WNK4: variants seen among roughly 807,000 people sequenced by gnomAD.
WNK4 encodes the protein WNK lysine deficient protein kinase 4, also known as serine/threonine-protein kinase WNK4.
Under a neutral mutation model 116.2 loss-of-function variants are expected in WNK4, and 94 were observed. The ratio of observed to expected loss-of-function variants is 0.81; its 90% confidence interval spans 0.68 to 0.96. WNK4 has a LOEUF of 0.96. WNK4 is among the 40% of genes least tolerant of loss of function. The pLI, the probability that WNK4 is intolerant of heterozygous loss-of-function variation, is 0.00. For synonymous variants in WNK4, 655 were observed against 672.7 expected (o/e 0.97, Z 0.41); for missense variants, 1,542 against 1,650.6 (o/e 0.93, Z 1.14).
In WNK4 at chr17:42,783,006, C is replaced by T. The variant is rs537730588; in HGVS notation, c.791+76C>T. On this transcript the variant is annotated intron_variant, in intron 2 of 18. Transcript: ENST00000246914. ...CACTGCTTCCTGAACTCCCAGGCTC[C>T]TCAAACTCTCTAATATCCAGGTGTA... 287 of 1,551,610 alleles carry T rather than the reference C, an allele frequency of 1.8e-4. 2 individuals carry two copies. The South Asian group carries it at 3.2e-3, about 17-fold the overall frequency.
rs1286373235 is a variant in WNK4 at position 42,795,401 on chromosome 17, G to C, written c.2961+19G>C. 21 of 1,614,004 alleles carry C rather than the reference G, an allele frequency of 1.3e-5. No individual in the cohort carries two copies. Among genetic ancestry groups the C allele is most frequent in the Non-Finnish European group, 1.8e-5 (21 of 1,180,020 alleles). ...GAGTGAGGTGAGTAGAAAACCAAGA[G>C]GGATGATTAGGGAGACTCCACTCTG... is the stretch of plus-strand genomic sequence containing the variant. On this transcript the variant is annotated intron_variant, in intron 14 of 18. Coordinates refer to ENST00000246914, the MANE Select transcript of WNK4 (RefSeq NM_032387.5).
chr17:42,787,464 C>T lies in WNK4; in HGVS notation c.1663C>T (p.Pro555Ser). 1 of 1,418,610 alleles carries T rather than the reference C, an allele frequency of 7.0e-7. No individual in the cohort carries two copies. Among genetic ancestry groups the T allele is most frequent in the Non-Finnish European group, 9.5e-7 (1 of 1,054,420 alleles). 87.9% of individuals were successfully genotyped at this position (1,418,610 alleles called of 1,614,324 possible). The change falls in exon 7 of 19, where the codon CCC (proline) becomes TCC (serine). Residue 555 changes from proline to serine, a missense_variant. Pro to Ser is a moderately conservative substitution (Grantham distance 74). This residue lies in a region of WNK4 where 808 missense variants were observed against 873.6 expected (regional missense o/e 0.92). Coordinates refer to ENST00000246914, the MANE Select transcript of WNK4 (RefSeq NM_032387.5). ...GGCCCCCGGTCCCCCCAGTGTCTTC[C>T]CCCCTGAGCCTGAGGAGCCAGAGGC... ...PMAPGPPSVF[P>S]PEPEEPEADQ... is the part of the protein sequence containing the mutation.
At chr17:42,794,578 C>T (rs1167978248) in intron 12 of WNK4, 36 bp from the exon 13 acceptor site, 2 of 1,612,662 alleles carry the variant, frequency 1.2e-6, no homozygotes, top group Non-Finnish European at 1.7e-6. Flanking sequence ...GACTGCTCTT[C>T]CCCACTGTGA....
rs1255296358 is a variant in WNK4 at position 42,780,717 on chromosome 17, A to T, written c.19A>T (p.Thr7Ser). The T allele has an allele frequency of 6.2e-7, 1 of 1,608,686 alleles. No homozygotes were observed. Among genetic ancestry groups the T allele is most frequent in the South Asian group, 1.1e-5 (1 of 91,026 alleles). Residue 7 changes from threonine to serine, a missense_variant, in exon 1 of 19, where the codon ACG (threonine) becomes TCG (serine). By Grantham distance (58) the Thr-to-Ser change is moderately conservative. Transcript: ENST00000246914. MLASPATETTVLMSQTE... is the reference protein window; with the variant it reads MLASPASETTVLMSQTE... ...CTTCCTCATGTTGGCATCCCCGGCCACGGAGACCACCGTCCTCATGTCCCA... is the reference window on the plus strand; with the variant it reads ...CTTCCTCATGTTGGCATCCCCGGCCTCGGAGACCACCGTCCTCATGTCCCA...
In WNK4 at chr17:42,782,583, G is replaced by A. The variant is rs756088020; in HGVS notation, c.619-175G>A. 2.6e-5 allele frequency among the ~76,000 whole-genome samples: 4 copies of A among 152,352 alleles called. No homozygotes were observed. Among genetic ancestry groups the A allele is most frequent in the East Asian group, 1.9e-4 (1 of 5,174 alleles). ...TGGGTGTGTCCTTGGATCAGCTTAC[G>A]TGCGGGACTGTTGGAGAGTTCAGGG... On this transcript the variant is annotated intron_variant, in intron 1 of 18. Transcript: ENST00000246914. This position sits in a 1 kb window ranked among gnomAD's most constrained non-coding sequence, Gnocchi z 4.2.
At position 42,785,324 on chromosome 17, in the gene WNK4, G is replaced by A. The variant is rs1159999680; in HGVS notation, c.1318G>A (p.Val440Met). The change falls in exon 6 of 19, where the codon GTG becomes ATG. Residue 440 changes from valine (V) to methionine (M), a missense_variant. Around this residue, in one of 7 missense-constraint regions of WNK4, gnomAD observed 808 missense variants for 873.6 expected, o/e 0.92. Transcript: ENST00000246914. ...CTTCCGCGAGGAGCGCGGTGTGCAC[G>A]TGGAACTAGCGGAGGAGGACGACGG... ...AFFREERGVH[V>M]ELAEEDDGEK... 13 of 1,612,158 alleles carry A rather than the reference G, an allele frequency of 8.1e-6. No homozygotes were observed. Among genetic ancestry groups the A allele is most frequent in the South Asian group, 1.1e-5 (1 of 90,750 alleles).
rs61755609 is a variant in WNK4, at chr17:42,790,697, G to C, written c.2157+1900G>C. ...TGTTAGTCAAAACTGAGTGAGGAGA[G>C]AGTTTCAAGGAGGTGGCATAGGATG... is the stretch of plus-strand genomic sequence containing the variant. On this transcript the variant is annotated intron_variant, in intron 11 of 18. Transcript: ENST00000246914. Among the ~76,000 whole-genome samples, 634 of 152,216 alleles carry C rather than the reference G, an allele frequency of 4.2e-3. 4 individuals are homozygous for C. Among genetic ancestry groups the C allele is most frequent in the African/African-American group, 0.015 (611 of 41,506 alleles).
chr17:42,782,985 G>A lies in WNK4; in HGVS notation c.791+55G>A. 1 of 1,594,192 alleles carries A rather than the reference G, an allele frequency of 6.3e-7. No homozygotes were observed. The highest frequency in any genetic ancestry group is 8.6e-7 in the Non-Finnish European group (1 of 1,169,214). On this transcript the variant is annotated intron_variant, in intron 2 of 18. Coordinates refer to ENST00000246914, the MANE Select transcript of WNK4 (RefSeq NM_032387.5). This position sits in a 1 kb window ranked among gnomAD's most constrained non-coding sequence, Gnocchi z 4.2. The stretch of plus-strand genomic sequence containing the variant: ...AGGGAGGCTGGGATGTGTGCCCACT[G>A]CTTCCTGAACTCCCAGGCTCCTCAA...
In WNK4 at chr17:42,796,558, G is replaced by T. The variant is rs540144740; in HGVS notation, c.3709G>T (p.Ala1237Ser). 80 of 1,614,188 alleles carry T rather than the reference G, an allele frequency of 5.0e-5. No homozygotes were observed. In the South Asian group the frequency reaches 7.2e-4, roughly 15 times the overall value. Residue 1237 changes from alanine (A) to serine (S), a missense_variant, in exon 18 of 19, where the codon GCC (alanine) becomes TCC (serine). By Grantham distance (99) the Ala-to-Ser change is moderately conservative. Coordinates refer to ENST00000246914, the MANE Select transcript of WNK4 (RefSeq NM_032387.5). ...GCGGGCAAGCAAGGGGGTGACATTC[G>T]CCGGGGATGTTGGCAGGATGGTGAG... is the stretch of plus-strand genomic sequence containing the variant. ...EQRASKGVTF[A>S]GDVGRM
chr17:42,794,564 C>T (rs1211479346), intron 12 of WNK4, 50 bp from the exon 13 acceptor site: 2 of 1,606,534 alleles, frequency 1.2e-6, no homozygotes, highest in Admixed American at 3.3e-5. Context: ...CACCTTCCAT[C>T]TCAGACTGCT....
Position 42,785,158 on chromosome 17 carries a change from G to A in WNK4, c.1232G>A (p.Gly411Asp), listed in dbSNP as rs544723011. 3.1e-6 allele frequency: 5 copies of A among 1,613,992 alleles called. No homozygotes were observed. The highest frequency in any genetic ancestry group is 1.7e-5 in the Admixed American group (1 of 59,974). Residue 411 changes from glycine to aspartate, a missense_variant, in exon 5 of 19, where the codon GGC (glycine) becomes GAC (aspartate). By Grantham distance (94) the Gly-to-Asp change is moderately conservative. Transcript: ENST00000246914. Reference protein sequence around the residue: ...KIPEVKEIIEGCIRTDKNERF... With the variant: ...KIPEVKEIIEDCIRTDKNERF... Reference sequence around the variant, plus strand: ...CCCGAGGTGAAGGAGATCATTGAAGGCTGCATCCGCACGGATAAGAACGAG... The same window carrying A: ...CCCGAGGTGAAGGAGATCATTGAAGACTGCATCCGCACGGATAAGAACGAG...
rs1359627856 is a variant in WNK4, at chr17:42,796,492, A to G, written c.3643A>G (p.Arg1215Gly). ...CATCCTGCTCCCAGGCATCATGCGA[A>G]GGAACTCTCTGAGTGGCAGCAGCAC... The part of the protein sequence containing the change: ...SEPPGPGIMR[R>G]NSLSGSSTGS... Residue 1215 changes from arginine to glycine, a missense_variant, in exon 18 of 19, where the codon AGG becomes GGG. Arg to Gly is a moderately radical substitution (Grantham distance 125). Around this residue, in one of 7 missense-constraint regions of WNK4, gnomAD observed 148 missense variants for 157.2 expected, o/e 0.94. Transcript: ENST00000246914. 6.2e-7 allele frequency: 1 copy of G among 1,614,026 alleles called. No homozygotes were observed. Among genetic ancestry groups the G allele is most frequent in the East Asian group, 2.2e-5 (1 of 44,866 alleles).
chr17:42,796,305 C>G lies in WNK4; in HGVS notation c.3614C>G (p.Ser1205Cys), dbSNP rs756671891. The change falls in exon 17 of 19, where the codon TCT (serine) becomes TGT (cysteine). Residue 1205 changes from serine to cysteine, a missense_variant. Ser to Cys is a moderately radical substitution (Grantham distance 112). Coordinates refer to ENST00000246914, the MANE Select transcript of WNK4 (RefSeq NM_032387.5). Reference protein sequence around the residue: ...PTSRRNSLQRSEPPGPGIMRR... With the variant: ...PTSRRNSLQRCEPPGPGIMRR... ...TCCCGCCGCAACAGCCTACAGCGCT[C>G]TGAGCCCCCAGGCCCTGGTGAGACT... 1.6e-5 allele frequency: 26 copies of G among 1,612,684 alleles called. No homozygotes were observed. The South Asian group carries it at 2.8e-4, about 17-fold the overall frequency.
Position 42,795,647 on chromosome 17 carries a change from G to A in WNK4, c.3045G>A (p.Gly1015=), listed in dbSNP as rs748600107. ...CAGAGGGAAAGCCGCAGCTTGTTGG[G>A]CGTTTCCAAGTGACTTCATCCAAGG... ...ISEEGKPQLV[G]RFQVTSSKEP... The change falls in exon 16 of 19, where the codon GGG becomes GGA. Residue 1015 remains glycine, a synonymous_variant. Transcript: ENST00000246914. 7 of 1,613,518 alleles carry A rather than the reference G, an allele frequency of 4.3e-6. No individual in the cohort carries two copies. The highest frequency in any genetic ancestry group is 4.5e-5 in the East Asian group (2 of 44,890).
chr17:42,796,211 G>T lies in WNK4; in HGVS notation c.3520G>T (p.Gly1174Cys). Residue 1174 changes from glycine to cysteine, a missense_variant, in exon 17 of 19, where the codon GGT becomes TGT. By Grantham distance (159) the Gly-to-Cys change is radical. Transcript: ENST00000246914. ...CCGGCTGGGGAAGCAGCCCCCACCG[G>T]GTATTGTGGCCCCAGCTGCTATGCT... ...YSRLGKQPPP[G>C]IVAPAAMLSS... 6.2e-7 allele frequency: 1 copy of T among 1,613,904 alleles called. No individual in the cohort carries two copies. The highest frequency in any genetic ancestry group is 8.5e-7 in the Non-Finnish European group (1 of 1,179,956).
At position 42,794,897 on chromosome 17, in the gene WNK4, G is replaced by A. The variant is rs190384194; in HGVS notation, c.2476G>A (p.Gly826Ser). 587 of 1,603,694 alleles carry A rather than the reference G, an allele frequency of 3.7e-4. 4 individuals carry two copies. Among genetic ancestry groups the A allele is most frequent in the East Asian group, 1.4e-3 (64 of 44,540 alleles). ...TTCCCCTGGAACCCCCATTTCCCCA[G>A]GTCCCATCTTCCCCATCACTTCTCC... The part of the protein sequence containing the change: ...PFSPGTPISP[G>S]PIFPITSPPC... The change falls in exon 14 of 19, where the codon GGT (glycine) becomes AGT (serine). Residue 826 changes from glycine (G) to serine (S), a missense_variant. Coordinates refer to ENST00000246914, the MANE Select transcript of WNK4 (RefSeq NM_032387.5).
At position 42,780,893 on chromosome 17, in the gene WNK4, C is replaced by T. The variant is rs2143984003; in HGVS notation, c.195C>T (p.Val65=). 6.2e-7 allele frequency: 1 copy of T among 1,606,634 alleles called. No individual in the cohort carries two copies. Among genetic ancestry groups the T allele is most frequent in the East Asian group, 2.2e-5 (1 of 44,860 alleles). Residue 65 remains valine, a synonymous_variant, in exon 1 of 19, where the codon GTC becomes GTT. Coordinates refer to ENST00000246914, the MANE Select transcript of WNK4 (RefSeq NM_032387.5). ...RSSRLSRRSS[V]DLGLLSSWSL... is the part of the protein sequence containing the mutation. The stretch of plus-strand genomic sequence containing the variant: ...CTCGTCTCAGCCGCCGTAGCTCAGT[C>T]GACTTGGGGCTGCTGAGCTCTTGGT...
rs2054628675 is a variant in WNK4, at chr17:42,793,651, G to A, written c.2217G>A (p.Glu739=). The part of the protein sequence containing the change: ...ERDGFLRRIR[E]IIQRVETLLK... ...ATGGATTTCTCAGACGGATTCGGGA[G>A]ATTATCCAGCGAGTGGAGACCCTGT... Residue 739 remains glutamate (E), a synonymous_variant, in exon 12 of 19, where the codon GAG becomes GAA. Transcript: ENST00000246914. 1.2e-6 allele frequency: 2 copies of A among 1,614,112 alleles called. No individual in the cohort carries two copies. Among genetic ancestry groups the A allele is most frequent in the Non-Finnish European group, 1.7e-6 (2 of 1,180,016 alleles).
rs769815091 is a variant in WNK4 at position 42,788,372 on chromosome 17, C to T, written c.2005C>T (p.Arg669Trp). 5.9e-5 allele frequency: 95 copies of T among 1,613,190 alleles called. No homozygotes were observed. Among genetic ancestry groups the T allele is most frequent in the African/African-American group, 6.7e-5 (5 of 74,890 alleles). Residue 669 changes from arginine to tryptophan, a missense_variant, in exon 10 of 19, where the codon CGG becomes TGG. This residue lies in a region of WNK4 where 808 missense variants were observed against 873.6 expected (regional missense o/e 0.92). Coordinates refer to ENST00000246914, the MANE Select transcript of WNK4 (RefSeq NM_032387.5). ...QMRRPPGRNL[R>W]RRPRSRLRVT... is the part of the protein sequence containing the mutation. ...GAGGAGACCCCCAGGGAGGAATCTC[C>T]GGCGCAGACCCCGATCCCGGCTGCG... is the stretch of plus-strand genomic sequence containing the variant.
Sources: gnomAD v4.1 joint callset for allele counts (sites outside exome capture counted in the v4.1 genomes callset) on GRCh38, gnomAD v4.1.1 for gene constraint, gnomAD v4.1.1 regional missense constraint, Gnocchi (gnomAD v3.1) non-coding constraint, MANE v1.5 for transcripts, NCBI Gene and HGNC (gene_info 2026-07-23, HGNC 2026-07-21) for gene names.